Variants in LRP1B observed in about 807,000 individuals in gnomAD.
LRP1B encodes the protein low-density lipoprotein receptor-related protein 1B.
Under a neutral mutation model 556.6 loss-of-function variants are expected in LRP1B, and 217 were observed. That is an observed-to-expected ratio of 0.39 (90% CI 0.35 to 0.44). LRP1B has a LOEUF of 0.44. Among genes scored for constraint, LRP1B ranks in the 20% least tolerant of loss-of-function variants. The pLI, the probability that LRP1B is intolerant of heterozygous loss-of-function variation, is 1.00. For synonymous variants in LRP1B, 2,047 were observed against 1,865.8 expected (o/e 1.10, Z -2.50); for missense variants, 5,053 against 5,620.8 (o/e 0.90, Z 3.23).
chr2:140,842,464 T>C (rs1166484636), intron 29 of LRP1B, among the ~76,000 whole-genome samples: 5 of 152,222 alleles, frequency 3.3e-5, no homozygotes, highest in African/African-American at 1.2e-4. Flanking sequence ...CCAGTTCTCT[T>C]CAAATCAAGA....
chr2:140,561,602 C>A (rs540490583), intron 43 of LRP1B, among the ~76,000 whole-genome samples: 1 of 151,554 alleles, frequency 6.6e-6, no homozygotes, highest in African/African-American at 2.4e-5. Context: ...CTTTTCAGCC[C>A]GACAGAATGA....
At chr2:141,927,998 C>T (rs1159495040) in intron 1 of LRP1B, among the ~76,000 whole-genome samples, 1 of 151,830 alleles carries the variant, frequency 6.6e-6, no homozygotes, top group Non-Finnish European at 1.5e-5. Flanking sequence ...ACCATGCATC[C>T]TTCAGGAATT....
chr2:140,432,068 G>A (rs917125440), intron 66 of LRP1B, among the ~76,000 whole-genome samples: 3 of 152,148 alleles, frequency 2.0e-5, no homozygotes, highest in South Asian at 2.1e-4. Context: ...GCCGGTTCCC[G>A]CCTTAACTGA....
At chr2:141,190,024 AG>A (rs546622181) in intron 6 of LRP1B, among the ~76,000 whole-genome samples, 203 of 152,090 alleles carry the variant, frequency 1.3e-3, no homozygotes, top group African/African-American at 4.7e-3. Flanking sequence ...AGAAAGATTA[AG>A]TCAGAAGAAA....
chr2:140,349,488 G>A (rs1317359368), intron 77 of LRP1B, among the ~76,000 whole-genome samples: 1 of 151,342 alleles, frequency 6.6e-6, no homozygotes, highest in Non-Finnish European at 1.5e-5. Context: ...AAAATACATA[G>A]AATTAATGTA....
At chr2:140,345,661 T>C (rs932365972) in intron 77 of LRP1B, among the ~76,000 whole-genome samples, 1 of 143,696 alleles carries the variant, frequency 7.0e-6, no homozygotes, top group Non-Finnish European at 1.5e-5. Context: ...TGTGTGTGTG[T>C]ATATATATAT....
chr2:141,041,987 A>T (rs1482043610), intron 11 of LRP1B, among the ~76,000 whole-genome samples: 1 of 151,994 alleles, frequency 6.6e-6, no homozygotes, highest in Non-Finnish European at 1.5e-5. Context: ...GGTTCTGGGG[A>T]TGAGGACCTA....
chr2:142,125,319 T>C (rs1574712450), intron 1 of LRP1B, among the ~76,000 whole-genome samples: 1 of 151,920 alleles, frequency 6.6e-6, no homozygotes, highest in African/African-American at 2.4e-5. Context: ...CTCCTTTCTC[T>C]AAAATAGAGG....
At chr2:141,783,432 C>G (rs1333534690) in intron 2 of LRP1B, among the ~76,000 whole-genome samples, 1 of 152,004 alleles carries the variant, frequency 6.6e-6, no homozygotes, top group African/African-American at 2.4e-5. Flanking sequence ...TGAACGTAGT[C>G]TCTCTCATCA....
chr2:140,977,413 C>T (rs78837074), intron 18 of LRP1B, among the ~76,000 whole-genome samples: 16,894 of 152,072 alleles, frequency 0.11, 1,016 homozygotes, highest in East Asian at 0.19. Flanking sequence ...TCACCAGCAG[C>T]GTGAAAATGG....
intron 43 of LRP1B, among the ~76,000 whole-genome samples, chr2:140,573,605 GAC>G (rs1443828984): frequency 2.0e-5 from 3 of 151,978 alleles, no homozygotes; most frequent in Non-Finnish European, 4.4e-5. Context: ...GGGATTTGAT[GAC>G]AGTCATTCTA....
intron 32 of LRP1B, among the ~76,000 whole-genome samples, chr2:140,812,091 A>T (rs1397579223): frequency 6.6e-6 from 1 of 152,158 alleles, no homozygotes; most frequent in Non-Finnish European, 1.5e-5. Context: ...TTTAGGAATA[A>T]GCTTAAGCAA....
intron 2 of LRP1B, among the ~76,000 whole-genome samples, chr2:141,490,652 C>A (rs1460477039): frequency 6.6e-6 from 1 of 151,902 alleles, no homozygotes; most frequent in African/African-American, 2.4e-5. Context: ...CCTTTCATTA[C>A]AAAAGCAAAT....
At chr2:141,514,713 C>T (rs4536595) in intron 2 of LRP1B, among the ~76,000 whole-genome samples, 148,108 of 152,304 alleles carry the variant, frequency 0.97, 72,143 homozygotes, top group East Asian at 1. Flanking sequence ...CATAGCTTAA[C>T]TTAGCCTCCT....
chr2:141,992,134 T>A (rs945293353), intron 1 of LRP1B, among the ~76,000 whole-genome samples: 18 of 152,152 alleles, frequency 1.2e-4, no homozygotes, highest in African/African-American at 4.1e-4. Context: ...TATACTGTAT[T>A]GTTTTCATTT....
intron 1 of LRP1B, among the ~76,000 whole-genome samples, chr2:142,043,006 C>A (rs867468484): frequency 1.3e-5 from 2 of 151,478 alleles, no homozygotes; most frequent in Non-Finnish European, 3.0e-5. Context: ...TTTTTAGTAT[C>A]TCCAGGGACA....
chr2:141,221,256 G>A (rs181212505), intron 6 of LRP1B, among the ~76,000 whole-genome samples: 1 of 143,070 alleles, frequency 7.0e-6, no homozygotes, highest in East Asian at 2.2e-4. Flanking sequence ...TGCAATCCTA[G>A]TTTCTGACAA....
chr2:140,548,768 A>G (rs1680438834), intron 43 of LRP1B, among the ~76,000 whole-genome samples: 1 of 151,938 alleles, frequency 6.6e-6, no homozygotes, highest in Admixed American at 6.6e-5. Flanking sequence ...TACTAATAAC[A>G]CAAAAAATTA....
intron 7 of LRP1B, among the ~76,000 whole-genome samples, chr2:141,100,835 A>G (rs537073000): frequency 6.6e-6 from 1 of 152,120 alleles, no homozygotes; most frequent in South Asian, 2.1e-4. Context: ...GCTAAGACAG[A>G]AGGCCTGCTA....
Sources: allele counts gnomAD v4.1 joint callset (sites outside exome capture counted in the v4.1 genomes callset), GRCh38; gene constraint gnomAD v4.1.1; transcripts MANE v1.5; gene names NCBI Gene and HGNC (gene_info 2026-07-23, HGNC 2026-07-21).